TMEM232: variants seen among roughly 807,000 people sequenced by gnomAD.
TMEM232 encodes the protein transmembrane protein 232.
TMEM232 carries 80 observed loss-of-function variants against 78.8 expected under a neutral mutation model. The observed-to-expected ratio is 1.01, with a 90% CI of 0.85 to 1.22. TMEM232 has a LOEUF of 1.22. Among genes scored for constraint, TMEM232 ranks in the 50% most tolerant of loss-of-function variants. TMEM232 has a pLI of 0.00. For missense variants in TMEM232, 881 were observed against 742.2 expected, an observed-to-expected ratio of 1.19 and a Z score of -2.17; for synonymous variants, 297 against 254.3, an observed-to-expected ratio of 1.17 and a Z score of -1.60.
intron 1 of TMEM232, among the ~76,000 whole-genome samples, chr5:110,701,273 T>C (rs574306480): frequency 6.6e-6 from 1 of 152,114 alleles, no homozygotes; most frequent in Non-Finnish European, 1.5e-5. Flanking sequence ...AATCATCTAC[T>C]GAAATAGAAG....
chr5:110,468,563 T>TG (rs1762340182), intron 12 of TMEM232, among the ~76,000 whole-genome samples: 2 of 152,040 alleles, frequency 1.3e-5, no homozygotes, highest in Admixed American at 1.3e-4. Context: ...TAATGTTAAA[T>TG]GAAACATTGG....
Position 110,617,495 on chromosome 5 carries a change from A to G in TMEM232, c.902+934T>C, listed in dbSNP as rs560792432. The stretch of plus-strand genomic sequence containing the variant: ...ATAAGCTTGACTTACTCATTCCACA[A>G]GATATACATATATCCTAACATATCA... On this transcript the variant is annotated intron_variant, in intron 8 of 13. Coordinates refer to ENST00000455884, the MANE Select transcript of TMEM232 (RefSeq NM_001039763.4). Among the ~76,000 whole-genome samples the G allele has an allele frequency of 3.0e-3, 457 of 152,324 alleles. 1 individual carries two copies. Among genetic ancestry groups the G allele is most frequent in the African/African-American group, 0.01 (422 of 41,578 alleles).
rs1554069154 is a variant in TMEM232 at position 110,652,294 on chromosome 5, G to GCGTGCACACACACACACA, written c.126-9924_126-9923insTGTGTGTGTGTGTGCACG. 6.7e-4 allele frequency among the ~76,000 whole-genome samples: 97 copies of GCGTGCACACACACACACA among 145,446 alleles called. 1 individual carries two copies. The highest frequency in any genetic ancestry group is 2.4e-3 in the African/African-American group (95 of 38,918). On this transcript the variant is annotated intron_variant, in intron 2 of 13. Transcript: ENST00000455884. ...CAAGCACACAAAAGTGCACGCGCGC[G>GCGTGCACACACACACACA]CACACACACACACACACACACACAC...
chr5:110,575,198 ATATT>A (rs1183672515), intron 10 of TMEM232, among the ~76,000 whole-genome samples: 1 of 152,068 alleles, frequency 6.6e-6, no homozygotes, highest in Non-Finnish European at 1.5e-5. Context: ...TACATAATAT[ATATT>A]AGTGAAATTG....
chr5:110,528,674 C>T lies in TMEM232; in HGVS notation c.1617G>A (p.Lys539=). 1.3e-6 allele frequency: 2 copies of T among 1,534,868 alleles called. No individual in the cohort carries two copies. The highest frequency in any genetic ancestry group is 3.9e-5 in the Admixed American group (2 of 50,876). Reference sequence around the variant, plus strand: ...TTTGATCCTTTTTTATTGATGGTTTCTTCAAAGGAAGAAAATGGGCCTCAA... The same window carrying T: ...TTTGATCCTTTTTTATTGATGGTTTTTTCAAAGGAAGAAAATGGGCCTCAA... ...PPIEAHFLPL[K]KPSIKKDQTK... The change falls in exon 12 of 14, where the codon AAG becomes AAA. Residue 539 remains lysine, a synonymous_variant. Coordinates refer to ENST00000455884, the MANE Select transcript of TMEM232 (RefSeq NM_001039763.4).
At chr5:110,524,090 C>G (rs112181298) in intron 12 of TMEM232, among the ~76,000 whole-genome samples, 6,471 of 150,614 alleles carry the variant, frequency 0.043, 458 homozygotes, top group African/African-American at 0.15. Flanking sequence ...TGGTGAAACG[C>G]CGTCTCTACT....
chr5:110,445,116 G>GT (rs1195637313), intron 12 of TMEM232, among the ~76,000 whole-genome samples: 1 of 151,626 alleles, frequency 6.6e-6, no homozygotes, highest in African/African-American at 2.4e-5. Context: ...TAATTTTAGA[G>GT]TTTTTTTGGA....
At chr5:110,738,252 T>G, upstream of TMEM232, 10 of 1,286,706 alleles carry the variant, frequency 7.8e-6, 1 homozygote, top group South Asian at 1.2e-4. Flanking sequence ...AAACAGGTAG[T>G]AGGGGACGCT....
At chr5:110,466,755 G>C (rs543756852) in intron 12 of TMEM232, among the ~76,000 whole-genome samples, 6 of 151,980 alleles carry the variant, frequency 3.9e-5, no homozygotes, top group Admixed American at 3.9e-4. Flanking sequence ...TGGGACTACA[G>C]GTGCCCACCA....
At chr5:110,622,871 T>C (rs1172797344) in intron 7 of TMEM232, among the ~76,000 whole-genome samples, 13 of 151,034 alleles carry the variant, frequency 8.6e-5, no homozygotes, top group Admixed American at 2.6e-4. Context: ...AGGGATAGCA[T>C]TGGGAGATAT....
At chr5:110,586,839 G>A (rs867988720) in intron 10 of TMEM232, among the ~76,000 whole-genome samples, 7 of 152,044 alleles carry the variant, frequency 4.6e-5, no homozygotes, top group Admixed American at 4.6e-4. Flanking sequence ...TTAGATTTAA[G>A]TTTATTACTA....
intron 3 of TMEM232, among the ~76,000 whole-genome samples, chr5:110,391,324 T>TGAGAGAGAGAGA (rs1235654874): frequency 1.5e-5 from 2 of 132,410 alleles, no homozygotes; most frequent in African/African-American, 6.6e-5. Flanking sequence ...TGTGTGTGTG[T>TGAGAGAGAGAGA]GTGAGAGAGA....
In TMEM232 at chr5:110,497,389, T is replaced by G. The variant is rs1385249817; in HGVS notation, c.1703+31199A>C. On this transcript the variant is annotated intron_variant, in intron 12 of 13. Transcript: ENST00000455884. ...ACATGGAACTTGAATTGAATACAGA[T>G]AACAGGATTTGGGTAGACTTGCATA... Among the ~76,000 whole-genome samples, 4 of 152,168 alleles carry G rather than the reference T, an allele frequency of 2.6e-5. No individual in the cohort carries two copies. The East Asian group carries it at 7.7e-4, about 29-fold the overall frequency.
At chr5:110,440,980 C>T (rs903316909) in intron 12 of TMEM232, among the ~76,000 whole-genome samples, 1 of 152,172 alleles carries the variant, frequency 6.6e-6, no homozygotes. Flanking sequence ...TGTTTTAATA[C>T]TGCCATCTCA....
chr5:110,569,567 T>C (rs1776706549), intron 10 of TMEM232, among the ~76,000 whole-genome samples: 1 of 151,870 alleles, frequency 6.6e-6, no homozygotes, highest in African/African-American at 2.4e-5. Flanking sequence ...CCCTTTAAAT[T>C]CCATATTGCA....
chr5:110,684,724 ATATT>A lies in TMEM232; in HGVS notation c.-12-17364_-12-17361del, dbSNP rs1217868384. 2.6e-5 allele frequency: 4 copies of A among 152,152 alleles called. No individual in the cohort carries two copies. The East Asian group carries it at 7.7e-4, about 29-fold the overall frequency. 9.4% of individuals were successfully genotyped at this position (152,152 alleles called of 1,614,324 possible). A position where few individuals can be genotyped will look rare whatever the true frequency, so the allele number is the denominator to read the frequency against. ...ACCAAATGGACATATAGAGAATTCT[ATATT>A]TATTTATTAGAGAATATACATTTTT... On this transcript the variant is annotated intron_variant, in intron 1 of 13. Coordinates refer to ENST00000455884, the MANE Select transcript of TMEM232 (RefSeq NM_001039763.4).
intron 5 of TMEM232, among the ~76,000 whole-genome samples, chr5:110,637,244 GT>G (rs1785975779): frequency 6.6e-6 from 1 of 151,458 alleles, no homozygotes; most frequent in African/African-American, 2.4e-5. Context: ...TCCCAAAACA[GT>G]TATTGGTAAT....
At chr5:110,489,891 C>T (rs758440624) in intron 12 of TMEM232, among the ~76,000 whole-genome samples, 66 of 151,816 alleles carry the variant, frequency 4.3e-4, no homozygotes, top group Middle Eastern at 6.8e-3. Context: ...TTTGGAAGGC[C>T]GAGGCGGGCG....
At position 110,640,634 on chromosome 5, in the gene TMEM232, T is replaced by C. The variant is rs946084228; in HGVS notation, c.343+257A>G. On this transcript the variant is annotated intron_variant, in intron 4 of 13. Coordinates refer to ENST00000455884, the MANE Select transcript of TMEM232 (RefSeq NM_001039763.4). The stretch of plus-strand genomic sequence containing the variant: ...AATGACATTTTATATTAGTTTTTAA[T>C]TAGTTGCTAATTTTGGCAAAAAAGT... Among the ~76,000 whole-genome samples the C allele has an allele frequency of 5.3e-5, 8 of 152,182 alleles. 1 individual carries two copies. The highest frequency in any genetic ancestry group is 1.2e-4 in the Non-Finnish European group (8 of 68,030).
Sources: allele counts gnomAD v4.1 joint callset (sites outside exome capture counted in the v4.1 genomes callset), GRCh38; gene constraint gnomAD v4.1.1; transcripts MANE v1.5; gene names NCBI Gene and HGNC (gene_info 2026-07-23, HGNC 2026-07-21).